Variants in LMX1B observed in about 807,000 individuals in gnomAD.
LMX1B encodes LIM homeobox transcription factor 1-beta.
LMX1B carries 12 observed loss-of-function variants against 51.4 expected under a neutral mutation model. That is an observed-to-expected ratio of 0.23 (90% CI 0.15 to 0.38). The LOEUF (loss-of-function observed/expected upper bound fraction) is 0.38. Ranked by LOEUF, LMX1B falls within the 10% of genes least tolerant of loss-of-function variation. The probability of loss-of-function intolerance (pLI) is 1.00; values close to 1 mark genes in which losing one functional copy is unlikely to be tolerated. For missense variants in LMX1B, 445 were observed against 571.1 expected (o/e 0.78, Z 2.25); for synonymous variants, 237 against 235.4 (o/e 1.01, Z -0.06).
At chr9:126,688,468 C>T (rs2029991423) in intron 2 of LMX1B, among the ~76,000 whole-genome samples, 3 of 152,326 alleles carry the variant, frequency 2.0e-5, no homozygotes, top group African/African-American at 7.2e-5. Context: ...AGAGGTCAGG[C>T]TGCAGACCTT....
In LMX1B at chr9:126,677,286, C is replaced by A. The variant is rs142597978; in HGVS notation, c.327-13550C>A. ...ACCTCCTTTTAATTCCTGCTCCTGCCCCCTCCTCTCCGAGCTCCCCTGGGC... is the reference window on the plus strand; with the variant it reads ...ACCTCCTTTTAATTCCTGCTCCTGCACCCTCCTCTCCGAGCTCCCCTGGGC... On this transcript the variant is annotated intron_variant, in intron 2 of 7. Coordinates refer to ENST00000373474, the MANE Select transcript of LMX1B (RefSeq NM_001174147.2). The surrounding 1 kb of genome is among the most constrained non-coding windows in gnomAD (Gnocchi z 5.0). Among the ~76,000 whole-genome samples the A allele has an allele frequency of 6.6e-6, 1 of 152,144 alleles. No individual in the cohort carries two copies. Among genetic ancestry groups the A allele is most frequent in the African/African-American group, 2.4e-5 (1 of 41,418 alleles).
Position 126,696,362 on chromosome 9 carries a change from G to A in LMX1B, c.1120G>A (p.Gly374Ser), listed in dbSNP as rs769220332. The change falls in exon 8 of 8, where the codon GGC becomes AGC. Residue 374 changes from glycine (G) to serine (S), a missense_variant. Around this residue, in one of 3 missense-constraint regions of LMX1B, gnomAD observed 162 missense variants for 187.8 expected, o/e 0.86. Transcript: ENST00000373474. The part of the protein sequence containing the change: ...SLTSLSDCFL[G>S]SSDVGSLQAR... ...AACCAGCCTCAGCGACTGCTTCCTCGGCTCCTCAGACGTGGGCTCCCTGCA... is the reference window on the plus strand; with the variant it reads ...AACCAGCCTCAGCGACTGCTTCCTCAGCTCCTCAGACGTGGGCTCCCTGCA... 2.8e-5 allele frequency: 46 copies of A among 1,614,072 alleles called. No individual in the cohort carries two copies. In the Admixed American group the frequency reaches 4.5e-4, roughly 16 times the overall value.
rs548223884 is a variant in LMX1B, at chr9:126,671,288, C to T, written c.327-19548C>T. Among the ~76,000 whole-genome samples, 4 of 152,248 alleles carry T rather than the reference C, an allele frequency of 2.6e-5. No individual in the cohort carries two copies. The highest frequency in any genetic ancestry group is 4.8e-5 in the African/African-American group (2 of 41,554). On this transcript the variant is annotated intron_variant, in intron 2 of 7. Transcript: ENST00000373474. The surrounding 1 kb of genome is among the most constrained non-coding windows in gnomAD (Gnocchi z 4.4). ...ATGCTTTAATTTTTTAAAAGCCCCACGTAGATGCTTTGCATTGTGAAAACC... is the reference window on the plus strand; with the variant it reads ...ATGCTTTAATTTTTTAAAAGCCCCATGTAGATGCTTTGCATTGTGAAAACC...
intron 2 of LMX1B, among the ~76,000 whole-genome samples, chr9:126,639,994 C>A (rs1294155905): frequency 6.6e-6 from 1 of 152,190 alleles, no homozygotes; most frequent in Non-Finnish European, 1.5e-5. Context: ...CGCTCAAATG[C>A]TATGGGAAAT....
rs1018427442 is a variant in LMX1B, at chr9:126,677,701, C to T, written c.327-13135C>T. On this transcript the variant is annotated intron_variant, in intron 2 of 7. Coordinates refer to ENST00000373474, the MANE Select transcript of LMX1B (RefSeq NM_001174147.2). This position sits in a 1 kb window ranked among gnomAD's most constrained non-coding sequence, Gnocchi z 5.0. ...CTGAGCACAGGGCTGAACTGGTTCCCGTGAGTGTAACGTCTAGTAGGAGCG... is the reference window on the plus strand; with the variant it reads ...CTGAGCACAGGGCTGAACTGGTTCCTGTGAGTGTAACGTCTAGTAGGAGCG... Among the ~76,000 whole-genome samples, 6 of 152,158 alleles carry T rather than the reference C, an allele frequency of 3.9e-5. No homozygotes were observed. Among genetic ancestry groups the T allele is most frequent in the African/African-American group, 1.4e-4 (6 of 41,434 alleles).
At chr9:126,623,895 GCGCACCCCTCCA>G (rs1835468053) in intron 2 of LMX1B, among the ~76,000 whole-genome samples, 1 of 152,180 alleles carries the variant, frequency 6.6e-6, no homozygotes, top group Non-Finnish European at 1.5e-5. Flanking sequence ...GCCTCCACCC[GCGCACCCCTCCA>G]GGCCCACCTC....
At chr9:126,694,960 C>T (rs1003442039) in intron 6 of LMX1B, among the ~76,000 whole-genome samples, 2 of 152,140 alleles carry the variant, frequency 1.3e-5, no homozygotes, top group Non-Finnish European at 2.9e-5. Flanking sequence ...CTCCTCCCCA[C>T]CCTTCTCTGC....
At chr9:126,651,826 G>C (rs1836014994) in intron 2 of LMX1B, among the ~76,000 whole-genome samples, 1 of 152,132 alleles carries the variant, frequency 6.6e-6, no homozygotes, top group Admixed American at 6.5e-5. Context: ...CAACAGGCGG[G>C]GTCTGCTCTG....
chr9:126,676,028 G>A (rs1443433987), intron 2 of LMX1B, among the ~76,000 whole-genome samples: 3 of 143,494 alleles, frequency 2.1e-5, no homozygotes, highest in African/African-American at 5.3e-5. Context: ...CAGCCTGGGC[G>A]ACAGAGCGAG....
chr9:126,696,719 C>T lies in LMX1B; in HGVS notation c.*268C>T. ...AGCTCTCGGACGGCCACTCGCCTCCCAGCCCCACCTCGGCCTCCATCGCCT... is the reference window on the plus strand; with the variant it reads ...AGCTCTCGGACGGCCACTCGCCTCCTAGCCCCACCTCGGCCTCCATCGCCT... On this transcript the variant is annotated 3_prime_UTR_variant, in exon 8 of 8. Coordinates refer to ENST00000373474, the MANE Select transcript of LMX1B (RefSeq NM_001174147.2). The T allele has an allele frequency of 1.8e-6, 1 of 551,544 alleles. No homozygotes were observed. Among genetic ancestry groups the T allele is most frequent in the Non-Finnish European group, 3.2e-6 (1 of 308,046 alleles). 34.2% of individuals were successfully genotyped at this position (551,544 alleles called of 1,614,324 possible).
At chr9:126,664,121 C>T (rs1272628116) in intron 2 of LMX1B, among the ~76,000 whole-genome samples, 6 of 152,152 alleles carry the variant, frequency 3.9e-5, no homozygotes, top group African/African-American at 1.4e-4. Context: ...CCTGTCCAGC[C>T]AGCCCTCGTC....
chr9:126,640,008 A>G (rs1835779197), intron 2 of LMX1B, among the ~76,000 whole-genome samples: 1 of 152,222 alleles, frequency 6.6e-6, no homozygotes, highest in African/African-American at 2.4e-5. Flanking sequence ...GGGAAATTTG[A>G]TTTCTTTTTA....
chr9:126,691,916 G>T (rs982214739), intron 3 of LMX1B, among the ~76,000 whole-genome samples: 1 of 152,224 alleles, frequency 6.6e-6, no homozygotes, highest in African/African-American at 2.4e-5. Flanking sequence ...CAATTTGAAG[G>T]CCTCCTGGCA....
At chr9:126,692,624 G>A (rs571205377) in intron 3 of LMX1B, among the ~76,000 whole-genome samples, 27 of 152,394 alleles carry the variant, frequency 1.8e-4, no homozygotes, top group South Asian at 4.1e-4. Context: ...GCAGGTGAGT[G>A]TGCATCTTAC....
chr9:126,696,260 G>A (rs752612963), intron 7 of LMX1B, 34 bp from the exon 8 acceptor site: 3 of 1,611,082 alleles, frequency 1.9e-6, no homozygotes, highest in South Asian at 1.1e-5. Flanking sequence ...GCCCCAGCCT[G>A]TACCCCGGTC....
chr9:126,676,068 G>A (rs1422115592), intron 2 of LMX1B, among the ~76,000 whole-genome samples: 1 of 148,026 alleles, frequency 6.8e-6, no homozygotes, highest in African/African-American at 2.5e-5. Flanking sequence ...AAAAAAAAAT[G>A]TTCAGTAGAC....
rs373993218 is a variant in LMX1B at position 126,638,453 on chromosome 9, G to A, written c.326+22884G>A. On this transcript the variant is annotated intron_variant, in intron 2 of 7. Coordinates refer to ENST00000373474, the MANE Select transcript of LMX1B (RefSeq NM_001174147.2). ...CCCTGCCCGCAGCCCTGCCACCCTG[G>A]GGAGCTGACCCCGACCCCACCCGGC... Among the ~76,000 whole-genome samples, 21 of 152,320 alleles carry A rather than the reference G, an allele frequency of 1.4e-4. No individual in the cohort carries two copies. In the East Asian group the frequency reaches 1.9e-3, roughly 14 times the overall value.
At chr9:126,693,356 G>C in intron 4 of LMX1B, 33 bp downstream of exon 4, 1 of 1,577,724 alleles carries the variant, frequency 6.3e-7, no homozygotes, top group Non-Finnish European at 8.6e-7. Context: ...GGCTCAGGCT[G>C]ATGCCCGCAC....
intron 2 of LMX1B, among the ~76,000 whole-genome samples, chr9:126,622,019 T>C (rs1835426001): frequency 6.6e-6 from 1 of 152,174 alleles, no homozygotes. Context: ...CTGGATAATA[T>C]TGTATCCATT....
Sources: allele counts gnomAD v4.1 joint callset (sites outside exome capture counted in the v4.1 genomes callset), GRCh38; gene constraint gnomAD v4.1.1; regional missense constraint gnomAD v4.1.1; non-coding constraint Gnocchi (gnomAD v3.1); transcripts MANE v1.5; gene names NCBI Gene and HGNC (gene_info 2026-07-23, HGNC 2026-07-21).